The following ANKRD28 variants were observed in gnomAD, a reference collection of about 807,000 sequenced individuals.
The protein encoded by ANKRD28 is serine/threonine-protein phosphatase 6 regulatory ankyrin repeat subunit A.
In ANKRD28, 44 loss-of-function variants were observed where a neutral mutation model predicts 126.5. That is an observed-to-expected ratio of 0.35 (90% confidence interval 0.27 to 0.45). ANKRD28 has a LOEUF of 0.45. ANKRD28 is among the 20% of genes least tolerant of loss of function. The pLI is 1.00. For missense variants in ANKRD28, 1,110 were observed against 1,316.6 expected (o/e 0.84, Z 2.43); for synonymous variants, 442 against 468.5 (o/e 0.94, Z 0.73).
intron 21 of ANKRD28, among the ~76,000 whole-genome samples, chr3:15,680,906 A>T (rs1251790944): frequency 6.6e-6 from 1 of 152,168 alleles, no homozygotes; most frequent in Non-Finnish European, 1.5e-5. Flanking sequence ...AGCTCAAGTG[A>T]TCTGCCTGCC....
chr3:15,772,100 T>C (rs2059042646), intron 2 of ANKRD28, among the ~76,000 whole-genome samples: 1 of 152,148 alleles, frequency 6.6e-6, no homozygotes. Context: ...GCAATTTATA[T>C]ATTAAATGTT....
rs1042245235 is a variant in ANKRD28, at chr3:15,815,163, G to T, written c.28-19857C>A. ...AAGATAAAAAATAAAATTCCCACAA[G>T]TTAATTTTAGTGAAATGGCTTGTCT... is the stretch of plus-strand genomic sequence containing the variant. On this transcript the variant is annotated intron_variant, in intron 1 of 27. Coordinates refer to the ANKRD28 transcript ENST00000399451. This position sits in a 1 kb window ranked among gnomAD's most constrained non-coding sequence, Gnocchi z 4.1. 2.0e-5 allele frequency among the ~76,000 whole-genome samples: 3 copies of T among 151,798 alleles called. No homozygotes were observed. Among genetic ancestry groups the T allele is most frequent in the African/African-American group, 7.3e-5 (3 of 41,322 alleles).
In ANKRD28 at chr3:15,737,039, A is replaced by G; in HGVS notation, c.546T>C (p.His182=). 3 of 1,613,966 alleles carry G rather than the reference A, an allele frequency of 1.9e-6. No homozygotes were observed. Among genetic ancestry groups the G allele is most frequent in the Non-Finnish European group, 2.5e-6 (3 of 1,179,866 alleles). ...TALHHAAFSG[H]GEMVKLLLSR... ...CTAATTGAATGCCACCTACCTCACC[A>G]TGTCCACTGAAAGCTGCATGATGTA... The change falls in exon 5 of 28, where the codon CAT becomes CAC. Residue 182 remains histidine, a synonymous_variant. Transcript: ENST00000683139.
intron 1 of ANKRD28, among the ~76,000 whole-genome samples, chr3:15,858,410 A>G (rs1390383549): frequency 6.6e-6 from 1 of 152,250 alleles, no homozygotes; most frequent in Non-Finnish European, 1.5e-5. Context: ...TATTAGATTC[A>G]GAATTTAAGG....
At chr3:15,806,262 T>C (rs866026597) in intron 1 of ANKRD28, among the ~76,000 whole-genome samples, 5 of 152,214 alleles carry the variant, frequency 3.3e-5, no homozygotes, top group Non-Finnish European at 7.3e-5. Flanking sequence ...GTAGACAATT[T>C]TGAACTTCTT....
chr3:15,776,316 G>C (rs1429028426), intron 2 of ANKRD28, among the ~76,000 whole-genome samples: 2 of 152,048 alleles, frequency 1.3e-5, no homozygotes, highest in Non-Finnish European at 2.9e-5. Flanking sequence ...TGCATCAGAA[G>C]ACAAGTTTAC....
At chr3:15,799,348 C>A, upstream of ANKRD28, among the ~76,000 whole-genome samples, 1 of 150,744 alleles carries the variant, frequency 6.6e-6, no homozygotes, top group Non-Finnish European at 1.5e-5. Flanking sequence ...CAGCATGATA[C>A]AAATATAAGA....
chr3:15,776,333 C>T (rs2059266368), intron 2 of ANKRD28, among the ~76,000 whole-genome samples: 1 of 152,132 alleles, frequency 6.6e-6, no homozygotes, highest in Admixed American at 6.6e-5. Flanking sequence ...TTACAAATAG[C>T]TGCATCATTC....
chr3:15,753,881 T>C (rs2058014508), intron 3 of ANKRD28, among the ~76,000 whole-genome samples: 1 of 151,970 alleles, frequency 6.6e-6, no homozygotes, highest in Non-Finnish European at 1.5e-5. Flanking sequence ...GAGGAAGAGG[T>C]TGCAGTGAGC....
Position 15,797,728 on chromosome 3 carries a change from T to C in ANKRD28, c.-1207A>G, listed in dbSNP as rs77003664. On this transcript the variant is annotated 5_prime_UTR_variant, in exon 1 of 28. It adds an upstream start codon to the 5' untranslated region. Transcript: ENST00000683139. ...ATTCAGTCATCTGCCTCTTTGCCAA[T>C]ATAGTTTCCTTCCACTGTGAAAACC... 0.045 allele frequency: 44,106 copies of C among 985,382 alleles called. 1,039 individuals are homozygous for C. Among genetic ancestry groups the C allele is most frequent in the South Asian group, 0.071 (1,505 of 21,292 alleles). The allele number at this position is 985,382 out of a possible 1,614,324, so 61.0% of individuals were successfully genotyped here. A position where few individuals can be genotyped will look rare whatever the true frequency, so the allele number is the denominator to read the frequency against.
chr3:15,802,834 G>GT (rs2060491000), upstream of ANKRD28, among the ~76,000 whole-genome samples: 1 of 152,126 alleles, frequency 6.6e-6, no homozygotes, highest in Non-Finnish European at 1.5e-5. Flanking sequence ...CATTCACCTA[G>GT]TATACATTCA....
chr3:15,722,711 A>C (rs1203147310), intron 7 of ANKRD28, among the ~76,000 whole-genome samples: 1 of 152,182 alleles, frequency 6.6e-6, no homozygotes, highest in Non-Finnish European at 1.5e-5. Context: ...TGGTAATAGA[A>C]ATCAGAGGAA....
chr3:15,776,052 C>A (rs1366250894), intron 2 of ANKRD28, among the ~76,000 whole-genome samples: 1 of 152,144 alleles, frequency 6.6e-6, no homozygotes, highest in Non-Finnish European at 1.5e-5. Flanking sequence ...ATAAAAAAGA[C>A]ACTTATCACC....
At chr3:15,690,297 A>G in intron 17 of ANKRD28, 77 bp from the exon 18 acceptor site, 1 of 1,219,024 alleles carries the variant, frequency 8.2e-7, no homozygotes, top group Non-Finnish European at 1.1e-6. Flanking sequence ...AAATGTAAAT[A>G]AGCAAACTTG....
In ANKRD28 at chr3:15,694,728, G is replaced by A. The variant is rs1575189868; in HGVS notation, c.1761+11C>T. The A allele has an allele frequency of 6.2e-7, 1 of 1,610,932 alleles. No individual in the cohort carries two copies. Among genetic ancestry groups the A allele is most frequent in the Non-Finnish European group, 8.5e-7 (1 of 1,177,260 alleles). On this transcript the variant is annotated intron_variant, in intron 17 of 27. Coordinates refer to ENST00000683139, the MANE Select transcript of ANKRD28 (RefSeq NM_001349278.2). ...AGCAGCCATCAAGTCGGCTATGAAG[G>A]CAGTACTCACAGCCAAGTGTAAAGG...
At chr3:15,745,554 T>C (rs987640665) in intron 4 of ANKRD28, among the ~76,000 whole-genome samples, 3 of 152,190 alleles carry the variant, frequency 2.0e-5, no homozygotes, top group Non-Finnish European at 4.4e-5. Flanking sequence ...TCTATTTCTG[T>C]TCCATTGCTC....
Position 15,695,190 on chromosome 3 carries a change from C to G in ANKRD28, c.1684G>C (p.Val562Leu). 6.3e-7 allele frequency: 1 copy of G among 1,595,452 alleles called. No individual in the cohort carries two copies. Among genetic ancestry groups the G allele is most frequent in the South Asian group, 1.1e-5 (1 of 88,076 alleles). The change falls in exon 16 of 28, where the codon GTT (valine) becomes CTT (leucine). Residue 562 changes from valine (V) to leucine (L), a missense_variant and splice_region_variant. By Grantham distance (32) the Val-to-Leu change is conservative. Transcript: ENST00000683139. ...QLIASETPLDVLMETSGTDML... is the reference protein window; with the variant it reads ...QLIASETPLDLLMETSGTDML... ...GGAGGGAATTGACTAATACTTACAACATCTAGAGGAGTTTCACTTGCAATC... is the reference window on the plus strand; with the variant it reads ...GGAGGGAATTGACTAATACTTACAAGATCTAGAGGAGTTTCACTTGCAATC...
At chr3:15,798,154 A>T (rs888960696), upstream of ANKRD28, 1 of 985,310 alleles carries the variant, frequency 1.0e-6, no homozygotes, top group African/African-American at 1.7e-5. Flanking sequence ...GCCACAAGGA[A>T]ATCTGGTGTA....
intron 6 of ANKRD28, among the ~76,000 whole-genome samples, chr3:15,725,331 T>C (rs2074072545): frequency 1.3e-5 from 2 of 152,218 alleles, no homozygotes; most frequent in South Asian, 2.1e-4. Flanking sequence ...AAGGGACAAC[T>C]ATAATTCCTT....
Sources: gnomAD v4.1 joint callset for allele counts (sites outside exome capture counted in the v4.1 genomes callset) on GRCh38, gnomAD v4.1.1 for gene constraint, Gnocchi (gnomAD v3.1) non-coding constraint, MANE v1.5 for transcripts, NCBI Gene and HGNC (gene_info 2026-07-23, HGNC 2026-07-21) for gene names.